UST: variants seen among roughly 807,000 people sequenced by gnomAD.
The protein encoded by UST is chondroitin sulfate 2-O-sulfotransferase.
Under a neutral mutation model 45.6 loss-of-function variants are expected in UST, and 21 were observed. The ratio of observed to expected loss-of-function variants is 0.46; its 90% CI spans 0.33 to 0.66. The LOEUF is 0.66. Ranked by LOEUF, UST falls within the 30% of genes least tolerant of loss-of-function variation. The pLI is 0.02. For synonymous variants in UST, 215 were observed against 200.6 expected (o/e 1.07, Z -0.61); for missense variants, 463 against 512.4 (o/e 0.90, Z 0.93).
At chr6:149,019,560 C>CAAAATGTCACAT (rs1775950414) in intron 6 of UST, among the ~76,000 whole-genome samples, 1 of 152,240 alleles carries the variant, frequency 6.6e-6, no homozygotes, top group African/African-American at 2.4e-5. Flanking sequence ...GATAAAATGA[C>CAAAATGTCACAT]AAAATGTCAC....
chr6:148,986,782 T>A (rs1781245952), intron 5 of UST, among the ~76,000 whole-genome samples: 1 of 152,244 alleles, frequency 6.6e-6, no homozygotes, highest in Non-Finnish European at 1.5e-5. Context: ...CCCTGTATTT[T>A]GCTTTTCCCT....
At chr6:148,820,530 G>A (rs1203453312) in intron 1 of UST, among the ~76,000 whole-genome samples, 1 of 152,012 alleles carries the variant, frequency 6.6e-6, no homozygotes, top group Non-Finnish European at 1.5e-5. Flanking sequence ...CTCTACTATT[G>A]AATGCATAAA....
At chr6:148,799,375 G>A (rs1582819482) in intron 1 of UST, among the ~76,000 whole-genome samples, 1 of 152,134 alleles carries the variant, frequency 6.6e-6, no homozygotes, top group African/African-American at 2.4e-5. Flanking sequence ...CAAGGCAACT[G>A]TGTGCTTTCC....
intron 5 of UST, among the ~76,000 whole-genome samples, chr6:148,989,313 G>A (rs541479712): frequency 1.3e-5 from 2 of 151,026 alleles, no homozygotes; most frequent in Admixed American, 1.3e-4. Flanking sequence ...TTAAGAGGTT[G>A]GAAATTTCAG....
chr6:148,858,178 G>C (rs144407375), intron 1 of UST, among the ~76,000 whole-genome samples: 1 of 152,262 alleles, frequency 6.6e-6, no homozygotes, highest in East Asian at 1.9e-4. Flanking sequence ...AAGTGCCACA[G>C]CAGGCCATCT....
At chr6:148,995,319 A>G (rs945495738) in intron 5 of UST, among the ~76,000 whole-genome samples, 2 of 152,194 alleles carry the variant, frequency 1.3e-5, no homozygotes, top group Non-Finnish European at 2.9e-5. Flanking sequence ...CGCTGCGCCC[A>G]GCCTCGGTCC....
intron 7 of UST, among the ~76,000 whole-genome samples, chr6:149,071,806 A>AC (rs1283159680): frequency 2.0e-5 from 3 of 151,800 alleles, no homozygotes; most frequent in Non-Finnish European, 2.9e-5. Context: ...ACAAAAAAAA[A>AC]CCCCACTTCA....
rs13195218 is a variant in UST, at chr6:148,929,437, T to C, written c.292-11842T>C. 3.5e-3 allele frequency among the ~76,000 whole-genome samples: 538 copies of C among 152,296 alleles called. 2 individuals are homozygous for C. The highest frequency in any genetic ancestry group is 0.017 in the Middle Eastern group (5 of 294). ...TCTTAAAGGAAGCACCCAGGAAAGA[T>C]AGTCTCTTCTTGCCCCAGACTTTGT... On this transcript the variant is annotated intron_variant, in intron 2 of 7. Transcript: ENST00000367463.
chr6:148,776,679 A>G (rs1776541257), intron 1 of UST, among the ~76,000 whole-genome samples: 1 of 152,236 alleles, frequency 6.6e-6, no homozygotes, highest in Non-Finnish European at 1.5e-5. Context: ...TAGAGCTTTA[A>G]CCATCATACC....
chr6:148,931,694 T>C (rs1779924705), intron 2 of UST, among the ~76,000 whole-genome samples: 1 of 152,238 alleles, frequency 6.6e-6, no homozygotes, highest in Non-Finnish European at 1.5e-5. Context: ...ATATTACTCA[T>C]AATGTTTTTG....
At chr6:149,048,534 CAA>C (rs11333695) in intron 7 of UST, among the ~76,000 whole-genome samples, 169 of 129,528 alleles carry the variant, frequency 1.3e-3, no homozygotes, top group Admixed American at 2.0e-3. Context: ...AGACTGTCTC[CAA>C]AAAAAAAAAA....
intron 2 of UST, among the ~76,000 whole-genome samples, chr6:148,933,645 G>A (rs1304147374): frequency 6.6e-6 from 1 of 152,186 alleles, no homozygotes; most frequent in Non-Finnish European, 1.5e-5. Context: ...CCCTAGAATG[G>A]AGGAAAGGAG....
intron 2 of UST, among the ~76,000 whole-genome samples, chr6:148,919,976 C>G (rs1779669806): frequency 6.6e-6 from 1 of 152,172 alleles, no homozygotes; most frequent in Admixed American, 6.5e-5. Context: ...AAATATGATT[C>G]ATGGATCAGG....
At chr6:148,856,919 C>T (rs1385521063) in intron 1 of UST, among the ~76,000 whole-genome samples, 1 of 150,386 alleles carries the variant, frequency 6.6e-6, no homozygotes, top group African/African-American at 2.4e-5. Context: ...AGCTGAATTA[C>T]TTAATACTGG....
intron 2 of UST, among the ~76,000 whole-genome samples, chr6:148,925,459 AAG>A (rs970326147): frequency 2.0e-5 from 3 of 152,224 alleles, no homozygotes; most frequent in African/African-American, 7.2e-5. Context: ...AAAGAAGAAA[AAG>A]AGAAAAAACC....
chr6:148,953,401 C>G (rs1440287456), intron 3 of UST, among the ~76,000 whole-genome samples: 1 of 152,208 alleles, frequency 6.6e-6, no homozygotes. Flanking sequence ...TTGGATAGCA[C>G]TGTTTTATTC....
intron 7 of UST, among the ~76,000 whole-genome samples, chr6:149,041,191 A>G (rs567835057): frequency 1.3e-5 from 2 of 152,144 alleles, no homozygotes; most frequent in Non-Finnish European, 2.9e-5. Context: ...TGATGCATTT[A>G]ATAGTCCTGA....
chr6:148,938,123 G>A (rs758435740), intron 2 of UST, among the ~76,000 whole-genome samples: 1 of 152,162 alleles, frequency 6.6e-6, no homozygotes, highest in Non-Finnish European at 1.5e-5. Context: ...ACTTCAAATA[G>A]CATTTGGTCA....
At chr6:148,863,560 C>T (rs1778361425) in intron 1 of UST, among the ~76,000 whole-genome samples, 1 of 152,224 alleles carries the variant, frequency 6.6e-6, no homozygotes, top group Non-Finnish European at 1.5e-5. Context: ...GAGCTGCATT[C>T]CTCTGGAGGA....
Sources: gnomAD v4.1 joint callset for allele counts (sites outside exome capture counted in the v4.1 genomes callset) on GRCh38, gnomAD v4.1.1 for gene constraint, MANE v1.5 for transcripts, NCBI Gene and HGNC (gene_info 2026-07-23, HGNC 2026-07-21) for gene names.